Variants in DMXL2 observed in about 807,000 individuals in gnomAD.
DMXL2 encodes Dmx like 2.
In DMXL2, 103 loss-of-function variants were observed where a neutral mutation model predicts 331.1. That is an observed-to-expected ratio of 0.31 (90% CI 0.27 to 0.37). The LOEUF (loss-of-function observed/expected upper bound fraction) is 0.37. Among genes scored for constraint, DMXL2 ranks in the 10% least tolerant of loss-of-function variants. DMXL2 has a pLI of 1.00. For missense variants in DMXL2, 3,171 were observed against 3,642.9 expected (o/e 0.87, Z 3.33); for synonymous variants, 1,281 against 1,252.1 (o/e 1.02, Z -0.49).
chr15:51,586,556 G>T (rs1419028341), intron 1 of DMXL2, among the ~76,000 whole-genome samples: 1 of 149,806 alleles, frequency 6.7e-6, no homozygotes, highest in Non-Finnish European at 1.5e-5. Context: ...TTTAAATTTA[G>T]ACTTTAAAAA....
chr15:51,542,848 A>C (rs922742067), intron 8 of DMXL2, among the ~76,000 whole-genome samples: 2 of 152,066 alleles, frequency 1.3e-5, no homozygotes, highest in African/African-American at 2.4e-5. Context: ...TAAAAAAAAA[A>C]AATTCCTGAG....
At chr15:51,574,691 C>A (rs1254368071) in intron 2 of DMXL2, among the ~76,000 whole-genome samples, 1 of 152,072 alleles carries the variant, frequency 6.6e-6, no homozygotes, top group African/African-American at 2.4e-5. Flanking sequence ...AAGGACTAAA[C>A]GAAGATGTCA....
At chr15:51,504,843 G>A (rs982590428) in intron 16 of DMXL2, among the ~76,000 whole-genome samples, 1 of 152,034 alleles carries the variant, frequency 6.6e-6, no homozygotes, top group Non-Finnish European at 1.5e-5. Context: ...AGCAAACTAA[G>A]GTTAAACTAC....
intron 15 of DMXL2, among the ~76,000 whole-genome samples, chr15:51,510,690 C>T (rs1412084468): frequency 2.0e-5 from 3 of 151,832 alleles, no homozygotes; most frequent in Admixed American, 6.6e-5. Flanking sequence ...TAGAAAAAAA[C>T]ACTTTAAATT....
At chr15:51,612,950 T>C (rs1430310904) in intron 1 of DMXL2, among the ~76,000 whole-genome samples, 1 of 152,208 alleles carries the variant, frequency 6.6e-6, no homozygotes, top group Non-Finnish European at 1.5e-5. Flanking sequence ...TCAGGGATGT[T>C]CCTTGCTGAG....
intron 14 of DMXL2, among the ~76,000 whole-genome samples, chr15:51,514,947 T>C (rs1182201809): frequency 6.6e-6 from 1 of 152,108 alleles, no homozygotes; most frequent in African/African-American, 2.4e-5. Context: ...GGCTGCACTA[T>C]GTAAGACACA....
chr15:51,512,044 G>A (rs2140612764), intron 15 of DMXL2, among the ~76,000 whole-genome samples: 1 of 152,174 alleles, frequency 6.6e-6, no homozygotes, highest in South Asian at 2.1e-4. Context: ...CCTGTTGGGG[G>A]GTGGGGGGCT....
chr15:51,466,384 ATG>A lies in DMXL2; in HGVS notation c.7393-75_7393-74del, dbSNP rs1291070571. ...ACATATAAAATATATTTTATATAAC[ATG>A]TATTATATATTTAATATAGAAAATA... On this transcript the variant is annotated intron_variant, in intron 29 of 43. Coordinates refer to ENST00000560891, the MANE Select transcript of DMXL2 (RefSeq NM_001378457.1). 22 of 448,504 alleles carry A rather than the reference ATG, an allele frequency of 4.9e-5. 1 individual carries two copies. The East Asian group carries it at 1.8e-3, about 37-fold the overall frequency. 27.8% of individuals were successfully genotyped at this position (448,504 alleles called of 1,614,324 possible). A position where few individuals can be genotyped will look rare whatever the true frequency, so the allele number is the denominator to read the frequency against.
chr15:51,574,804 T>C (rs756943091), intron 2 of DMXL2, among the ~76,000 whole-genome samples: 2 of 152,244 alleles, frequency 1.3e-5, no homozygotes, highest in Non-Finnish European at 2.9e-5. Context: ...TGAATACCAA[T>C]GTCTTATATA....
Position 51,502,982 on chromosome 15 carries a change from T to C in DMXL2, c.2816A>G (p.Gln939Arg), listed in dbSNP as rs190836303. 1.2e-6 allele frequency: 2 copies of C among 1,613,898 alleles called. No individual in the cohort carries two copies. The highest frequency in any genetic ancestry group is 3.3e-5 in the Admixed American group (2 of 60,010). The stretch of plus-strand genomic sequence containing the variant: ...TTCTGGAGAAGAATCTACGTTCTTC[T>C]GTCCAGGGACTGAAAGTAGACTCTC... ...SSESLLSVPG[Q>R]KNVDSSPETS... The change falls in exon 17 of 44, where the codon CAG becomes CGG. Residue 939 changes from glutamine to arginine, a missense_variant. Physicochemically the swap from Gln to Arg is conservative, Grantham distance 43 (BLOSUM62 1). Around this residue, in one of 7 missense-constraint regions of DMXL2, gnomAD observed 1,674 missense variants for 1,780.2 expected, o/e 0.94. Coordinates refer to ENST00000560891, the MANE Select transcript of DMXL2 (RefSeq NM_001378457.1).
At chr15:51,532,345 T>A (rs890083001) in intron 13 of DMXL2, among the ~76,000 whole-genome samples, 1 of 151,956 alleles carries the variant, frequency 6.6e-6, no homozygotes, top group Non-Finnish European at 1.5e-5. Context: ...ACTGGACCCA[T>A]AGAGATAGAG....
intron 16 of DMXL2, among the ~76,000 whole-genome samples, chr15:51,504,152 C>T (rs1336753080): frequency 6.6e-6 from 1 of 151,956 alleles, no homozygotes; most frequent in Non-Finnish European, 1.5e-5. Flanking sequence ...CCCAGTAAAG[C>T]AGCCCAGGTG....
intron 1 of DMXL2, among the ~76,000 whole-genome samples, chr15:51,589,633 A>G (rs1374946965): frequency 1.3e-5 from 2 of 152,204 alleles, no homozygotes; most frequent in Non-Finnish European, 2.9e-5. Context: ...GTTATCTGTG[A>G]TTGCTTGGAA....
chr15:51,459,833 C>T (rs1566980159), intron 33 of DMXL2, 173 bp from the exon 34 acceptor site: 28 of 1,172,406 alleles, frequency 2.4e-5, no homozygotes, highest in Non-Finnish European at 2.9e-5. Context: ...ATAAACACAA[C>T]ACAAAGCCAA....
chr15:51,499,370 G>A lies in DMXL2; in HGVS notation c.3854C>T (p.Ala1285Val), dbSNP rs1325826587. ...TGCCTCTTCTGCATTAGAACTATCA[G>A]CTTCAGTGTCTCCAAATTTGACAGC... ...KHAVKFGDTEADSSNAEEAAM... is the reference protein window; with the variant it reads ...KHAVKFGDTEVDSSNAEEAAM... Residue 1285 changes from alanine to valine, a missense_variant, in exon 18 of 44, where the codon GCT becomes GTT. Coordinates refer to ENST00000560891, the MANE Select transcript of DMXL2 (RefSeq NM_001378457.1). The A allele has an allele frequency of 6.2e-7, 1 of 1,613,842 alleles. No individual in the cohort carries two copies. Among genetic ancestry groups the A allele is most frequent in the South Asian group, 1.1e-5 (1 of 91,074 alleles).
At chr15:51,553,968 ATG>A (rs952987237) in intron 6 of DMXL2, among the ~76,000 whole-genome samples, 2 of 152,200 alleles carry the variant, frequency 1.3e-5, no homozygotes, top group African/African-American at 4.8e-5. Context: ...CCTAACTGCC[ATG>A]TTGTTCAAGG....
At chr15:51,455,354 T>C (rs1259069643) in intron 39 of DMXL2, 126 bp from the exon 40 acceptor site, 14 of 816,812 alleles carry the variant, frequency 1.7e-5, no homozygotes, top group Non-Finnish European at 3.9e-6. Flanking sequence ...TTTCTGTTGC[T>C]GTCATTCCCA....
intron 1 of DMXL2, among the ~76,000 whole-genome samples, chr15:51,606,955 C>T (rs2053629134): frequency 6.6e-6 from 1 of 150,954 alleles, no homozygotes; most frequent in South Asian, 2.1e-4. Context: ...GGTCAGAGTT[C>T]GAGACCAGCC....
intron 33 of DMXL2, chr15:51,460,192 A>G: frequency 2.0e-6 from 2 of 986,994 alleles, no homozygotes; most frequent in Non-Finnish European, 2.4e-6. Flanking sequence ...TCCCGGGTTG[A>G]TGCAGGGTCC....
Sources: gnomAD v4.1 joint callset for allele counts (sites outside exome capture counted in the v4.1 genomes callset) on GRCh38, gnomAD v4.1.1 for gene constraint, gnomAD v4.1.1 regional missense constraint, MANE v1.5 for transcripts, NCBI Gene and HGNC (gene_info 2026-07-23, HGNC 2026-07-21) for gene names.